Variants in NPAS3 observed in about 807,000 individuals in gnomAD.
The protein encoded by NPAS3 is neuronal PAS domain protein 3, also known as neuronal PAS domain-containing protein 3.
Under a neutral mutation model 73.1 loss-of-function variants are expected in NPAS3, and 14 were observed. The ratio of observed to expected loss-of-function variants is 0.19; its 90% confidence interval spans 0.13 to 0.30. The LOEUF is 0.30. Among genes scored for constraint, NPAS3 ranks in the 10% least tolerant of loss-of-function variants. The probability of loss-of-function intolerance (pLI) is 1.00; values close to 1 mark genes in which losing one functional copy is unlikely to be tolerated. For synonymous variants in NPAS3, 620 were observed against 541.5 expected (o/e 1.14, Z -2.01); for missense variants, 1,096 against 1,250.0 (o/e 0.88, Z 1.86).
At chr14:33,737,709 C>T (rs2061558031) in intron 7 of NPAS3, among the ~76,000 whole-genome samples, 1 of 152,102 alleles carries the variant, frequency 6.6e-6, no homozygotes, top group Admixed American at 6.6e-5. Flanking sequence ...GAGGAGAGCC[C>T]ATGGCATGAC....
chr14:33,211,335 A>G (rs962187314), intron 2 of NPAS3, among the ~76,000 whole-genome samples: 7 of 152,122 alleles, frequency 4.6e-5, no homozygotes, highest in African/African-American at 1.7e-4. Flanking sequence ...AATTCTAGCA[A>G]TTTGGGAGGC....
At chr14:33,548,463 G>A (rs10130881) in intron 4 of NPAS3, among the ~76,000 whole-genome samples, 90,186 of 151,996 alleles carry the variant, frequency 0.59, 27,003 homozygotes, top group Admixed American at 0.65. Flanking sequence ...ACCAACTCCA[G>A]ATTTCTTTTG....
chr14:33,457,621 A>C lies in NPAS3; in HGVS notation c.468+90353A>C, dbSNP rs533447328. On this transcript the variant is annotated intron_variant, in intron 4 of 11. Coordinates refer to ENST00000356141, the Ensembl canonical transcript of NPAS3. ...ATTTTCCCATCAGATTTTAGCAAGGAATTTCATTCCTTCTTCTTTTAAGGC... is the reference window on the plus strand; with the variant it reads ...ATTTTCCCATCAGATTTTAGCAAGGCATTTCATTCCTTCTTCTTTTAAGGC... Among the ~76,000 whole-genome samples, 15 of 152,292 alleles carry C rather than the reference A, an allele frequency of 9.8e-5. No individual in the cohort carries two copies. In the South Asian group the frequency reaches 1.7e-3, roughly 17 times the overall value.
chr14:33,492,380 A>T (rs528539190), intron 4 of NPAS3, among the ~76,000 whole-genome samples: 1 of 152,286 alleles, frequency 6.6e-6, no homozygotes, highest in South Asian at 2.1e-4. Flanking sequence ...GTCACAGGTA[A>T]CATGCTTTTA....
At chr14:33,058,226 T>C (rs2138552004) in intron 2 of NPAS3, among the ~76,000 whole-genome samples, 1 of 152,096 alleles carries the variant, frequency 6.6e-6, no homozygotes, top group South Asian at 2.1e-4. Flanking sequence ...AGGCAAACAG[T>C]CAGGGTCACA....
At chr14:32,964,516 TATAA>T (rs1414786055) in intron 1 of NPAS3, among the ~76,000 whole-genome samples, 2 of 143,130 alleles carry the variant, frequency 1.4e-5, no homozygotes, top group East Asian at 1.9e-4. Flanking sequence ...TACAATGTGA[TATAA>T]ATAGAGAAAG....
At chr14:33,277,044 A>C (rs570191803) in intron 3 of NPAS3, among the ~76,000 whole-genome samples, 2 of 152,268 alleles carry the variant, frequency 1.3e-5, no homozygotes, top group African/African-American at 4.8e-5. Flanking sequence ...TGCCATGATA[A>C]ATGCTGCAAA....
chr14:33,271,704 A>G (rs1393371000), intron 3 of NPAS3, among the ~76,000 whole-genome samples: 3 of 152,172 alleles, frequency 2.0e-5, no homozygotes, highest in Admixed American at 6.5e-5. Flanking sequence ...CTGGTTCCAC[A>G]CTTACTAGAG....
chr14:33,149,818 G>T (rs1178034741), intron 2 of NPAS3, among the ~76,000 whole-genome samples: 1 of 152,012 alleles, frequency 6.6e-6, no homozygotes, highest in Non-Finnish European at 1.5e-5. Context: ...TAAGTTTTAG[G>T]ATACATGGGC....
At chr14:33,557,623 G>A (rs1198414125) in intron 4 of NPAS3, among the ~76,000 whole-genome samples, 5 of 152,170 alleles carry the variant, frequency 3.3e-5, no homozygotes, top group African/African-American at 1.2e-4. Context: ...TCCAAACTAG[G>A]AATAGGCTTG....
intron 2 of NPAS3, among the ~76,000 whole-genome samples, chr14:33,129,506 A>G (rs930521442): frequency 6.6e-5 from 10 of 152,168 alleles, no homozygotes; most frequent in Admixed American, 2.0e-4. Context: ...TCACTGAAAC[A>G]TTAAAGCGTG....
At chr14:33,038,648 G>A (rs528625941) in intron 1 of NPAS3, among the ~76,000 whole-genome samples, 2 of 152,178 alleles carry the variant, frequency 1.3e-5, no homozygotes, top group South Asian at 2.1e-4. Flanking sequence ...TAGCATTTGG[G>A]GTTAGCTGTA....
At chr14:32,947,950 G>A (rs2036328262) in intron 1 of NPAS3, among the ~76,000 whole-genome samples, 2 of 152,084 alleles carry the variant, frequency 1.3e-5, no homozygotes, top group Admixed American at 1.3e-4. Flanking sequence ...CTGGCAGTGA[G>A]CCTTTTTGGG....
chr14:33,344,796 C>T (rs1010798445), intron 3 of NPAS3, among the ~76,000 whole-genome samples: 1 of 152,170 alleles, frequency 6.6e-6, no homozygotes, highest in Non-Finnish European at 1.5e-5. Context: ...CAACTCCATC[C>T]CACTCCCCTG....
intron 9 of NPAS3, among the ~76,000 whole-genome samples, chr14:33,786,207 G>A (rs1333807380): frequency 2.0e-5 from 3 of 152,312 alleles, no homozygotes; most frequent in Non-Finnish European, 4.4e-5. Context: ...TAGCTGTTGA[G>A]CAGACGACCA....
chr14:33,361,035 T>C (rs1566831230), intron 3 of NPAS3, among the ~76,000 whole-genome samples: 1 of 152,172 alleles, frequency 6.6e-6, no homozygotes, highest in Admixed American at 6.5e-5. Context: ...AATCACCCCA[T>C]ATGTAGCCCG....
At chr14:33,606,383 T>C (rs1017557582) in intron 5 of NPAS3, among the ~76,000 whole-genome samples, 1 of 151,910 alleles carries the variant, frequency 6.6e-6, no homozygotes, top group African/African-American at 2.4e-5. Context: ...TTCATCCATG[T>C]CCCTACAAAG....
intron 4 of NPAS3, among the ~76,000 whole-genome samples, chr14:33,537,867 C>T (rs1009601902): frequency 3.9e-5 from 6 of 152,230 alleles, no homozygotes; most frequent in Middle Eastern, 3.4e-3. Flanking sequence ...GGCTTAAGGG[C>T]CTTATGGAGC....
At chr14:33,487,586 T>C (rs1300386969) in intron 4 of NPAS3, among the ~76,000 whole-genome samples, 1 of 152,214 alleles carries the variant, frequency 6.6e-6, no homozygotes, top group Non-Finnish European at 1.5e-5. Flanking sequence ...GTACTGAGAA[T>C]TTCCTCCAAT....
Sources: gnomAD v4.1 joint callset for allele counts (sites outside exome capture counted in the v4.1 genomes callset) on GRCh38, gnomAD v4.1.1 for gene constraint, MANE v1.5 for transcripts, NCBI Gene and HGNC (gene_info 2026-07-23, HGNC 2026-07-21) for gene names.